Variants in IQSEC2 observed in about 807,000 individuals in gnomAD.
The protein encoded by IQSEC2 is IQ motif and Sec7 domain ArfGEF 2, also known as IQ motif and SEC7 domain-containing protein 2.
IQSEC2 carries 6 observed loss-of-function variants against 74.6 expected under a neutral mutation model. The ratio of observed to expected loss-of-function variants is 0.08; its 90% CI spans 0.04 to 0.16. IQSEC2 has a LOEUF of 0.16. IQSEC2 is among the 10% of genes least tolerant of loss of function. IQSEC2 has a pLI of 1.00. For missense variants in IQSEC2, 734 were observed against 1,306.2 expected (o/e 0.56, Z 6.75); for synonymous variants, 494 against 544.5 (o/e 0.91, Z 1.29).
rs782660615 is a variant in IQSEC2 at position 53,294,198 on chromosome X, T to C, written c.708-2274A>G. Among the ~76,000 whole-genome samples, 18 of 112,320 alleles carry C rather than the reference T, an allele frequency of 1.6e-4. No homozygotes were observed. The South Asian group carries it at 6.7e-3, about 42-fold the overall frequency. On this transcript the variant is annotated intron_variant, in intron 1 of 14. Transcript: ENST00000642864. ...CTGCTCCAAAAGTATTTCTATGTGATATGTGACAGTCCTCAAGATGGCAGC... is the reference window on the plus strand; with the variant it reads ...CTGCTCCAAAAGTATTTCTATGTGACATGTGACAGTCCTCAAGATGGCAGC...
chrX:53,316,695 C>T (rs1251581941), intron 1 of IQSEC2, among the ~76,000 whole-genome samples: 1 of 110,664 alleles, frequency 9.0e-6, no homozygotes, highest in Non-Finnish European at 1.9e-5. Context: ...GAAGGGCCAG[C>T]CTGGTGTTCC....
intron 1 of IQSEC2, among the ~76,000 whole-genome samples, chrX:53,316,463 C>T (rs781845308): frequency 1.8e-5 from 2 of 110,982 alleles, no homozygotes; most frequent in Admixed American, 9.6e-5. Context: ...GGCCTTAGCC[C>T]CTGCGGGGAG....
intron 2 of IQSEC2, among the ~76,000 whole-genome samples, chrX:53,267,389 A>G (rs2074676953): frequency 8.9e-6 from 1 of 112,201 alleles, no homozygotes; most frequent in African/African-American, 3.2e-5. Flanking sequence ...CTCATTTTGC[A>G]CGCATCATCT....
intron 1 of IQSEC2, among the ~76,000 whole-genome samples, chrX:53,309,243 G>A (rs2075297721): frequency 8.9e-6 from 1 of 111,846 alleles, no homozygotes; most frequent in Non-Finnish European, 1.9e-5. Flanking sequence ...ATTCAAGCAC[G>A]TTATTTAGAG....
intron 1 of IQSEC2, among the ~76,000 whole-genome samples, chrX:53,305,269 C>T (rs1180239064): frequency 3.6e-5 from 4 of 110,539 alleles, no homozygotes; most frequent in African/African-American, 6.6e-5. Context: ...GCTGGAGTGC[C>T]GTGGCATGAT....
chrX:53,234,196 C>G lies in IQSEC2; in HGVS notation c.*23G>C. 1 of 798,761 alleles carries G rather than the reference C, an allele frequency of 1.3e-6. No homozygotes were observed. Among genetic ancestry groups the G allele is most frequent in the East Asian group, 3.9e-5 (1 of 25,668 alleles). 65.8% of individuals were successfully genotyped at this position (798,761 alleles called of 1,213,427 possible). Reference sequence around the variant, plus strand: ...CTGTGGCTCCCCAGACTTTCCTGTTCCCCAGCTCACTCTCTCCATTCATCA... The same window carrying G: ...CTGTGGCTCCCCAGACTTTCCTGTTGCCCAGCTCACTCTCTCCATTCATCA... On this transcript the variant is annotated 3_prime_UTR_variant, in exon 15 of 15. Transcript: ENST00000642864.
rs1290683569 is a variant in IQSEC2, at chrX:53,234,956, G to A, written c.3730C>T (p.His1244Tyr). The A allele has an allele frequency of 1.2e-5, 14 of 1,165,715 alleles. No individual in the cohort carries two copies. The highest frequency in any genetic ancestry group is 3.6e-5 in the African/African-American group (2 of 55,661). ...CCGTGGCTATGGCCATGATGGTGGT[G>A]GTGGTGGTGGTGGTGCGTGGAAGAA... ...SASSTHHHHH[H>Y]HHHGHSHGGL... Residue 1244 changes from histidine (H) to tyrosine (Y), a missense_variant, in exon 15 of 15, where the codon CAC becomes TAC. Physicochemically the swap from His to Tyr is moderately conservative, Grantham distance 83 (BLOSUM62 2). Coordinates refer to ENST00000642864, the MANE Select transcript of IQSEC2 (RefSeq NM_001111125.3).
rs782073174 is a variant in IQSEC2, at chrX:53,233,528, C to T, written c.*691G>A. The T allele has an allele frequency of 4.7e-4, 67 of 142,503 alleles. No individual in the cohort carries two copies. In the South Asian group the frequency reaches 0.013, roughly 28 times the overall value. The allele number at this position is 142,503 out of a possible 1,213,427, so 11.7% of individuals were successfully genotyped here. On this transcript the variant is annotated 3_prime_UTR_variant, in exon 15 of 15. Coordinates refer to ENST00000642864, the MANE Select transcript of IQSEC2 (RefSeq NM_001111125.3). Reference sequence around the variant, plus strand: ...TGATCAGGATAAGAACGTTGCAGGGCGAGGCAAGTTCCTGAAGCCGAAGAG... The same window carrying T: ...TGATCAGGATAAGAACGTTGCAGGGTGAGGCAAGTTCCTGAAGCCGAAGAG...
intron 1 of IQSEC2, among the ~76,000 whole-genome samples, chrX:53,314,050 G>GCAATCCTCCACCA (rs2075344601): frequency 1.8e-5 from 2 of 111,931 alleles, no homozygotes; most frequent in Non-Finnish European, 3.8e-5. Flanking sequence ...GGAGTGCAGT[G>GCAATCCTCCACCA]GCACAATCAT....
intron 9 of IQSEC2, among the ~76,000 whole-genome samples, chrX:53,242,349 G>A (rs182599289): frequency 5.4e-4 from 53 of 98,754 alleles, no homozygotes; most frequent in African/African-American, 1.6e-3. Flanking sequence ...CAGGAGAATC[G>A]TTTGAACCCA....
At position 53,278,706 on chromosome X, in the gene IQSEC2, C is replaced by T. The variant is rs186721626; in HGVS notation, c.737+13189G>A. Among the ~76,000 whole-genome samples the T allele has an allele frequency of 7.4e-3, 834 of 112,298 alleles. 6 individuals carry two copies. The highest frequency in any genetic ancestry group is 0.012 in the Non-Finnish European group (664 of 53,237). On this transcript the variant is annotated intron_variant, in intron 2 of 14. Transcript: ENST00000642864. The stretch of plus-strand genomic sequence containing the variant: ...TTTATAGGTTTTAAGTTGTAGTATT[C>T]TCACTGACATTTATTCTAAATAGTC...
intron 2 of IQSEC2, among the ~76,000 whole-genome samples, chrX:53,258,577 G>A (rs1467400199): frequency 8.9e-6 from 1 of 111,769 alleles, no homozygotes; most frequent in Middle Eastern, 4.6e-3. Flanking sequence ...AATCTGGGCC[G>A]GGCGTGGTGG....
intron 2 of IQSEC2, among the ~76,000 whole-genome samples, chrX:53,289,112 AGCCCAG>A (rs2075064265): frequency 9.6e-6 from 1 of 104,259 alleles, no homozygotes; most frequent in African/African-American, 4.2e-5. Context: ...TTCCCATAAA[AGCCCAG>A]GCCTAGCGCC....
At chrX:53,250,100 G>A (rs1242339621) in intron 5 of IQSEC2, among the ~76,000 whole-genome samples, 179 bp downstream of exon 5, 1 of 111,699 alleles carries the variant, frequency 9.0e-6, no homozygotes, top group Admixed American at 9.5e-5. Context: ...TGTGTTAAGG[G>A]ACTCTCTACT....
chrX:53,251,750 C>T (rs782151718), intron 4 of IQSEC2, among the ~76,000 whole-genome samples: 1 of 112,139 alleles, frequency 8.9e-6, no homozygotes, highest in Non-Finnish European at 1.9e-5. Flanking sequence ...TATGTCACTT[C>T]TGAAATTAGG....
chrX:53,301,461 C>T (rs782096977), intron 1 of IQSEC2, among the ~76,000 whole-genome samples: 1 of 112,284 alleles, frequency 8.9e-6, no homozygotes, highest in South Asian at 3.7e-4. Context: ...CCATCAGGAC[C>T]CATAAGGATC....
rs782189881 is a variant in IQSEC2 at position 53,234,948 on chromosome X, A to ATGG, written c.3735_3737dup (p.His1247dup). The stretch of plus-strand genomic sequence containing the variant: ...CCAGGCCACCGTGGCTATGGCCATG[A>ATGG]TGGTGGTGGTGGTGGTGGTGGTGCG... On this transcript the variant is annotated inframe_insertion, in exon 15 of 15. Transcript: ENST00000642864. 4.3e-5 allele frequency: 50 copies of ATGG among 1,162,313 alleles called. No individual in the cohort carries two copies. The highest frequency in any genetic ancestry group is 3.8e-5 in the South Asian group (2 of 52,387).
At chrX:53,246,099 G>T (rs972308046) in intron 8 of IQSEC2, among the ~76,000 whole-genome samples, 2 of 110,637 alleles carry the variant, frequency 1.8e-5, no homozygotes, top group Non-Finnish European at 3.8e-5. Context: ...TGGCCTCATG[G>T]GATCCACCTG....
chrX:53,259,188 CAAAAAAAAAA>C (rs56394985), intron 2 of IQSEC2, among the ~76,000 whole-genome samples: 1 of 31,688 alleles, frequency 3.2e-5, no homozygotes, highest in Non-Finnish European at 5.6e-5. Flanking sequence ...AGACTGTCTC[CAAAAAAAAAA>C]AAAAAAAAAA....
Sources: gnomAD v4.1 joint callset for allele counts (sites outside exome capture counted in the v4.1 genomes callset) on GRCh38, gnomAD v4.1.1 for gene constraint, MANE v1.5 for transcripts, NCBI Gene and HGNC (gene_info 2026-07-23, HGNC 2026-07-21) for gene names.